Variants in NECTIN1 observed in about 807,000 individuals in gnomAD.
The protein encoded by NECTIN1 is nectin-1.
In NECTIN1, 23 loss-of-function variants were observed where a neutral mutation model predicts 48.0. The ratio of observed to expected loss-of-function variants is 0.48; its 90% CI spans 0.34 to 0.68. NECTIN1 has a LOEUF of 0.68. Ranked by LOEUF, NECTIN1 falls within the 30% of genes least tolerant of loss-of-function variation. The probability of loss-of-function intolerance (pLI) is 0.01; values close to 1 mark genes in which losing one functional copy is unlikely to be tolerated. For missense variants in NECTIN1, 591 were observed against 709.9 expected (o/e 0.83, Z 1.90); for synonymous variants, 270 against 288.9 (o/e 0.93, Z 0.66).
intron 5 of NECTIN1, chr11:119,674,432 T>C: frequency 6.4e-7 from 1 of 1,573,712 alleles, no homozygotes; most frequent in South Asian, 1.2e-5. Flanking sequence ...GACTGATCTG[T>C]GCTAGGTGCT....
At position 119,665,994 on chromosome 11, in the gene NECTIN1, G is replaced by A. The variant is rs1389681116; in HGVS notation, c.1004-697C>T. On this transcript the variant is annotated intron_variant, in intron 5 of 5. Transcript: ENST00000264025. The surrounding 1 kb of genome is among the most constrained non-coding windows in gnomAD (Gnocchi z 5.1). ...CCCGTGAGTGCCAATCAGCTGCCAA[G>A]GTGCCAGAAACTAGGGCTGTGGTTC... is the stretch of plus-strand genomic sequence containing the variant. Among the ~76,000 whole-genome samples the A allele has an allele frequency of 6.6e-6, 1 of 152,196 alleles. No homozygotes were observed. The highest frequency in any genetic ancestry group is 6.5e-5 in the Admixed American group (1 of 15,284).
At chr11:119,646,898 A>G (rs1171020363) in intron 5 of NECTIN1, among the ~76,000 whole-genome samples, 1 of 152,238 alleles carries the variant, frequency 6.6e-6, no homozygotes, top group Non-Finnish European at 1.5e-5. Context: ...GAGTGAGGTA[A>G]TACTGCATGT....
Position 119,662,163 on chromosome 11 carries a change from G to T in NECTIN1, c.*2584C>A. ...TTATTTCATTTCCAGCAAAGCAGAA[G>T]CTCAGCTCATGCTGTGGGCATGAAG... On this transcript the variant is annotated 3_prime_UTR_variant, in exon 6 of 6. Transcript: ENST00000264025. This position sits in a 1 kb window ranked among gnomAD's most constrained non-coding sequence, Gnocchi z 5.3. 1 of 985,476 alleles carries T rather than the reference G, an allele frequency of 1.0e-6. No individual in the cohort carries two copies. Among genetic ancestry groups the T allele is most frequent in the Non-Finnish European group, 1.2e-6 (1 of 829,954 alleles). 61.0% of individuals were successfully genotyped at this position (985,476 alleles called of 1,614,324 possible).
At chr11:119,674,541 C>G in intron 5 of NECTIN1, 1 of 1,614,162 alleles carries the variant, frequency 6.2e-7, no homozygotes, top group Non-Finnish European at 8.5e-7. Context: ...AGGGTCACAG[C>G]TGTCTGACAT....
intron 5 of NECTIN1, among the ~76,000 whole-genome samples, chr11:119,646,995 C>G (rs553561033): frequency 7.2e-5 from 11 of 152,258 alleles, no homozygotes; most frequent in African/African-American, 2.6e-4. Flanking sequence ...GCAGACCTGC[C>G]AAGCAGCTGA....
intron 1 of NECTIN1, among the ~76,000 whole-genome samples, chr11:119,698,432 G>A (rs1277176002): frequency 3.9e-5 from 6 of 152,242 alleles, no homozygotes; most frequent in Non-Finnish European, 2.9e-5. Flanking sequence ...ATACCCCTGA[G>A]TAGTGGAGAA....
chr11:119,687,074 G>A (rs575681082), intron 1 of NECTIN1, among the ~76,000 whole-genome samples: 6 of 152,110 alleles, frequency 3.9e-5, no homozygotes, highest in African/African-American at 1.4e-4. Context: ...CTGCATGGAA[G>A]GGAAGCAGGT....
At chr11:119,643,823 CG>C (rs930448880) in intron 5 of NECTIN1, among the ~76,000 whole-genome samples, 2 of 152,102 alleles carry the variant, frequency 1.3e-5, no homozygotes, top group African/African-American at 4.8e-5. Flanking sequence ...GAATCAGTGT[CG>C]GGGGGTGGGG....
chr11:119,682,689 A>G (rs997789698), intron 1 of NECTIN1, among the ~76,000 whole-genome samples: 1 of 152,220 alleles, frequency 6.6e-6, no homozygotes, highest in Non-Finnish European at 1.5e-5. Flanking sequence ...GAGGGAGTCC[A>G]TGGGAAACTC....
intron 1 of NECTIN1, among the ~76,000 whole-genome samples, chr11:119,724,638 T>C (rs11607610): frequency 0.51 from 77,108 of 151,666 alleles, 20,545 homozygotes; most frequent in Middle Eastern, 0.67. Flanking sequence ...CAGTCAGTTA[T>C]ATGTGAATAT....
intron 5 of NECTIN1, among the ~76,000 whole-genome samples, chr11:119,650,752 C>T (rs1405277047): frequency 6.6e-6 from 1 of 152,162 alleles, no homozygotes; most frequent in Non-Finnish European, 1.5e-5. Context: ...GTCTTCATGT[C>T]CCTGTGTTGG....
Position 119,677,923 on chromosome 11 carries a change from A to T in NECTIN1, c.431-66T>A, listed in dbSNP as rs926048970. 3.9e-6 allele frequency: 6 copies of T among 1,521,268 alleles called. No homozygotes were observed. The African/African-American group carries it at 6.9e-5, about 17-fold the overall frequency. The allele number at this position is 1,521,268 out of a possible 1,614,324, so 94.2% of individuals were successfully genotyped here. ...ACTTGTCCAAGATGCACCGGCCAAA[A>T]GGGCGTGGCATCCGTCAGGCCTTGT... is the stretch of plus-strand genomic sequence containing the variant. On this transcript the variant is annotated intron_variant, in intron 2 of 5. Coordinates refer to ENST00000264025, the MANE Select transcript of NECTIN1 (RefSeq NM_002855.5). The surrounding 1 kb of genome is among the most constrained non-coding windows in gnomAD (Gnocchi z 5.4).
chr11:119,660,670 G>C (rs1864647487), downstream of NECTIN1, among the ~76,000 whole-genome samples: 1 of 152,130 alleles, frequency 6.6e-6, no homozygotes, highest in South Asian at 2.1e-4. Flanking sequence ...GCCGGCACAG[G>C]GCTTTCCCTC....
chr11:119,648,367 ATGGTGGTGATGG>A (rs1864440343), intron 5 of NECTIN1, among the ~76,000 whole-genome samples: 1 of 31,556 alleles, frequency 3.2e-5, no homozygotes. Context: ...GATGCTGGTG[ATGGTGGTGATGG>A]TGGTGGTGGT....
At position 119,664,394 on chromosome 11, in the gene NECTIN1, C is replaced by G; in HGVS notation, c.*353G>C. The G allele has an allele frequency of 9.3e-7, 1 of 1,075,634 alleles. No individual in the cohort carries two copies. The highest frequency in any genetic ancestry group is 1.1e-6 in the Non-Finnish European group (1 of 886,632). The allele number at this position is 1,075,634 out of a possible 1,614,324, so 66.6% of individuals were successfully genotyped here. A position where few individuals can be genotyped will look rare whatever the true frequency, so the allele number is the denominator to read the frequency against. On this transcript the variant is annotated 3_prime_UTR_variant, in exon 6 of 6. Coordinates refer to ENST00000264025, the MANE Select transcript of NECTIN1 (RefSeq NM_002855.5). ...ACAAACAAATTCCAGTGTAGGGGGG[C>G]GGGGGAGGCTGGCTCCCCAAACCCT...
At chr11:119,707,421 G>A (rs1285794176) in intron 1 of NECTIN1, among the ~76,000 whole-genome samples, 3 of 151,798 alleles carry the variant, frequency 2.0e-5, no homozygotes, top group South Asian at 4.2e-4. Flanking sequence ...TTTTATGGCC[G>A]TTCCCCATTC....
chr11:119,671,836 T>C (rs926185052), intron 5 of NECTIN1, among the ~76,000 whole-genome samples: 2 of 152,182 alleles, frequency 1.3e-5, no homozygotes, highest in Non-Finnish European at 2.9e-5. Context: ...GAGGCACGGA[T>C]GCAGCTGCCT....
rs1865960406 is a variant in NECTIN1, at chr11:119,728,631, G to T, written c.-78C>A. 5.6e-6 allele frequency: 4 copies of T among 715,310 alleles called. No individual in the cohort carries two copies. Among genetic ancestry groups the T allele is most frequent in the South Asian group, 4.5e-5 (2 of 44,224 alleles). The allele number at this position is 715,310 out of a possible 1,614,324, so 44.3% of individuals were successfully genotyped here. ...GCAGAAACCAGCCCGGAAGATGAGG[G>T]AAGATCGCTGGCGGTCGGCGGGCGC... On this transcript the variant is annotated 5_prime_UTR_variant, in exon 1 of 6. Transcript: ENST00000264025.
intron 1 of NECTIN1, among the ~76,000 whole-genome samples, chr11:119,688,988 CAGGGAGGGG>C (rs139391944): frequency 0.011 from 1,661 of 151,942 alleles, 23 homozygotes; most frequent in East Asian, 0.048. Context: ...CACCTTTAGA[CAGGGAGGGG>C]AGGGAGGCTG....
Sources: gnomAD v4.1 joint callset for allele counts (sites outside exome capture counted in the v4.1 genomes callset) on GRCh38, gnomAD v4.1.1 for gene constraint, Gnocchi (gnomAD v3.1) non-coding constraint, MANE v1.5 for transcripts, NCBI Gene and HGNC (gene_info 2026-07-23, HGNC 2026-07-21) for gene names.